The following TNNI3K variants were observed in gnomAD, a reference collection of about 807,000 sequenced individuals.
TNNI3K encodes the protein serine/threonine-protein kinase TNNI3K.
Under a neutral mutation model 114.5 loss-of-function variants are expected in TNNI3K, and 140 were observed. The ratio of observed to expected loss-of-function variants is 1.22; its 90% CI spans 1.07 to 1.41. The LOEUF (loss-of-function observed/expected upper bound fraction) is 1.41, where lower values mean the gene tolerates loss of function less well. Among genes scored for constraint, TNNI3K ranks in the 40% most tolerant of loss-of-function variants. The probability of loss-of-function intolerance (pLI) is 0.00; values close to 1 mark genes in which losing one functional copy is unlikely to be tolerated. For synonymous variants in TNNI3K, 347 were observed against 347.5 expected (o/e 1.00, Z 0.02); for missense variants, 1,125 against 1,007.6 (o/e 1.12, Z -1.58).
chr1:74,392,748 C>T (rs556112024), intron 17 of TNNI3K, among the ~76,000 whole-genome samples: 11 of 152,206 alleles, frequency 7.2e-5, no homozygotes, highest in South Asian at 6.2e-4. Context: ...GAGTACCTCC[C>T]GAAATGCATA....
intron 4 of TNNI3K, among the ~76,000 whole-genome samples, chr1:74,257,822 C>T (rs2100864495): frequency 6.6e-6 from 1 of 152,032 alleles, no homozygotes; most frequent in East Asian, 1.9e-4. Context: ...CGCCCGCCAC[C>T]ACGCCCGGCT....
At chr1:74,392,190 T>C (rs1298809537) in intron 17 of TNNI3K, among the ~76,000 whole-genome samples, 6 of 152,062 alleles carry the variant, frequency 3.9e-5, no homozygotes, top group Admixed American at 3.9e-4. Context: ...AACTGGATTG[T>C]AACTGGAGAG....
At chr1:74,264,362 C>T (rs1006818991) in intron 4 of TNNI3K, among the ~76,000 whole-genome samples, 6 of 151,950 alleles carry the variant, frequency 3.9e-5, no homozygotes, top group African/African-American at 1.4e-4. Context: ...ATGCACGAGG[C>T]AGCTCTAGTC....
At chr1:74,483,424 G>A in intron 21 of TNNI3K, 1 of 702,974 alleles carries the variant, frequency 1.4e-6, no homozygotes, top group Non-Finnish European at 2.7e-6. Context: ...GGCATTCACT[G>A]TCCATTATTT....
chr1:74,331,315 A>T (rs1660191049), intron 5 of TNNI3K, 135 bp from the exon 6 acceptor site: 5 of 792,030 alleles, frequency 6.3e-6, no homozygotes, highest in South Asian at 2.0e-5. Context: ...GAGGTCTTGG[A>T]TAAGGTGGAT....
At chr1:74,486,201 AAGAGAG>A (rs58506314) in intron 21 of TNNI3K, among the ~76,000 whole-genome samples, 5,594 of 136,484 alleles carry the variant, frequency 0.041, 336 homozygotes, top group African/African-American at 0.14. Flanking sequence ...AAATGCTATA[AAGAGAG>A]AGAGAGAGAG....
In TNNI3K at chr1:74,460,978, C is replaced by T. The variant is rs140907762; in HGVS notation, c.2012-2463C>T. ...GGTTGGCACCTGCATCAGAGTTTAA[C>T]TCATTTTATGACTAGTCCCTCCCCA... On this transcript the variant is annotated intron_variant, in intron 20 of 24. Transcript: ENST00000326637. Among the ~76,000 whole-genome samples the T allele has an allele frequency of 3.4e-3, 516 of 152,294 alleles. 3 individuals are homozygous for T. Among genetic ancestry groups the T allele is most frequent in the Non-Finnish European group, 5.7e-3 (386 of 68,024 alleles).
chr1:74,449,630 A>T (rs1666895593), intron 20 of TNNI3K, among the ~76,000 whole-genome samples: 1 of 151,742 alleles, frequency 6.6e-6, no homozygotes, highest in Non-Finnish European at 1.5e-5. Flanking sequence ...ACAGACTTTA[A>T]ACCAACAAAG....
At chr1:74,371,572 T>C (rs1376590747) in intron 17 of TNNI3K, 1 of 151,690 alleles carries the variant, frequency 6.6e-6, no homozygotes, top group Non-Finnish European at 1.5e-5. Context: ...GAAGACATAA[T>C]AAAATGCATA....
At chr1:74,267,722 A>C (rs1656087164) in intron 4 of TNNI3K, among the ~76,000 whole-genome samples, 1 of 151,972 alleles carries the variant, frequency 6.6e-6, no homozygotes, top group African/African-American at 2.4e-5. Flanking sequence ...TTCAGTTAAA[A>C]AGTATTTAGA....
intron 22 of TNNI3K, among the ~76,000 whole-genome samples, chr1:74,491,833 G>A (rs1669092722): frequency 6.6e-6 from 1 of 152,144 alleles, no homozygotes; most frequent in Non-Finnish European, 1.5e-5. Flanking sequence ...TTATGAATCT[G>A]AGTTGGGCCT....
intron 9 of TNNI3K, among the ~76,000 whole-genome samples, chr1:74,351,329 G>A (rs1284788043): frequency 6.6e-6 from 1 of 151,506 alleles, no homozygotes; most frequent in East Asian, 1.9e-4. Flanking sequence ...TTTCTGCCGA[G>A]AGATCTGCTG....
At chr1:74,313,690 G>A (rs1456919446) in intron 5 of TNNI3K, among the ~76,000 whole-genome samples, 1 of 152,114 alleles carries the variant, frequency 6.6e-6, no homozygotes, top group Non-Finnish European at 1.5e-5. Flanking sequence ...TTCAGACATA[G>A]TGCTGAGCAT....
At chr1:74,292,343 T>C (rs1467501450) in intron 5 of TNNI3K, among the ~76,000 whole-genome samples, 1 of 151,632 alleles carries the variant, frequency 6.6e-6, no homozygotes, top group African/African-American at 2.4e-5. Context: ...GCCTTTTTTT[T>C]CTAACAGCAT....
chr1:74,358,872 C>T (rs558790504), intron 11 of TNNI3K, among the ~76,000 whole-genome samples: 180 of 152,092 alleles, frequency 1.2e-3, no homozygotes, highest in Middle Eastern at 3.4e-3. Context: ...TAAGAATTCA[C>T]ATACTTAAAA....
At chr1:74,412,035 C>T (rs1370037178) in intron 17 of TNNI3K, among the ~76,000 whole-genome samples, 1 of 152,102 alleles carries the variant, frequency 6.6e-6, no homozygotes, top group African/African-American at 2.4e-5. Context: ...AAGAATCCTT[C>T]TTTATATTTA....
chr1:74,317,505 A>G (rs190012604), intron 5 of TNNI3K, among the ~76,000 whole-genome samples: 36 of 152,264 alleles, frequency 2.4e-4, no homozygotes, highest in African/African-American at 8.2e-4. Context: ...AGGAAATAGC[A>G]GGTATAAGAG....
rs748423644 is a variant in TNNI3K at position 74,370,358 on chromosome 1, C to T, written c.1738C>T (p.Leu580=). 2 of 1,607,512 alleles carry T rather than the reference C, an allele frequency of 1.2e-6. No homozygotes were observed. The highest frequency in any genetic ancestry group is 1.7e-6 in the Non-Finnish European group (2 of 1,176,098). ...VAKGMEYLHN[L]TQPIIHRDLN... is the part of the protein sequence containing the mutation. ...CAAAGGCATGGAGTACCTTCACAAC[C>T]TGACACAGCCAATTATACATCGTGA... Residue 580 remains leucine, a synonymous_variant, in exon 17 of 25, where the codon CTG becomes TTG. Coordinates refer to ENST00000326637, the MANE Select transcript of TNNI3K (RefSeq NM_015978.3).
chr1:74,494,419 A>G (rs1669227870), intron 23 of TNNI3K, among the ~76,000 whole-genome samples: 1 of 152,194 alleles, frequency 6.6e-6, no homozygotes, highest in African/African-American at 2.4e-5. Context: ...GAAATTAAGT[A>G]TTAGTAGGTT....
Sources: allele counts gnomAD v4.1 joint callset (sites outside exome capture counted in the v4.1 genomes callset), GRCh38; gene constraint gnomAD v4.1.1; transcripts MANE v1.5; gene names NCBI Gene and HGNC (gene_info 2026-07-23, HGNC 2026-07-21).